Variants in IDE observed in about 807,000 individuals in gnomAD.
IDE encodes the protein insulin degrading enzyme, also known as insulin-degrading enzyme.
Under a neutral mutation model 133.2 loss-of-function variants are expected in IDE, and 58 were observed. The observed-to-expected ratio is 0.44, with a 90% CI of 0.35 to 0.54. The LOEUF is 0.54. IDE is among the 20% of genes least tolerant of loss of function. The pLI is 0.00. For synonymous variants in IDE, 396 were observed against 421.3 expected, an observed-to-expected ratio of 0.94 and a Z score of 0.73; for missense variants, 981 against 1,234.0, an observed-to-expected ratio of 0.79 and a Z score of 3.07.
At chr10:92,471,767 T>G (rs920622760) in intron 17 of IDE, among the ~76,000 whole-genome samples, 5 of 152,220 alleles carry the variant, frequency 3.3e-5, no homozygotes, top group East Asian at 1.9e-4. Context: ...CAGGCTGAAG[T>G]GCAGTGGTGC....
intron 1 of IDE, among the ~76,000 whole-genome samples, chr10:92,570,639 G>C (rs938890286): frequency 6.6e-6 from 1 of 152,062 alleles, no homozygotes; most frequent in African/African-American, 2.4e-5. Context: ...ACATATACTG[G>C]GCCTGGCACA....
At chr10:92,462,893 A>G (rs1053123312) in intron 21 of IDE, among the ~76,000 whole-genome samples, 4 of 152,054 alleles carry the variant, frequency 2.6e-5, no homozygotes, top group Admixed American at 2.0e-4. Flanking sequence ...AGTGAATCCA[A>G]CTGCTAGATA....
intron 1 of IDE, among the ~76,000 whole-genome samples, chr10:92,542,592 G>A (rs1258389682): frequency 6.6e-6 from 1 of 152,226 alleles, no homozygotes; most frequent in Non-Finnish European, 1.5e-5. Context: ...ACCCAGCCCA[G>A]GTCATTATCT....
At chr10:92,556,241 G>T (rs1287540693) in intron 1 of IDE, among the ~76,000 whole-genome samples, 1 of 149,384 alleles carries the variant, frequency 6.7e-6, no homozygotes, top group Non-Finnish European at 1.5e-5. Context: ...CAGAAGACAT[G>T]ATCTTGAATA....
intron 14 of IDE, chr10:92,480,937 G>A: frequency 1.0e-6 from 1 of 961,556 alleles, no homozygotes; most frequent in Non-Finnish European, 1.2e-6. Context: ...AGCAAAAATA[G>A]GGATAAAATG....
At chr10:92,490,649 G>A (rs1847289532) in intron 11 of IDE, 54 bp from the exon 12 acceptor site, 1 of 1,026,576 alleles carries the variant, frequency 9.7e-7, no homozygotes. Context: ...CTGTATATAT[G>A]AATTTAAAGA....
At chr10:92,519,602 AG>A (rs1290141429) in intron 4 of IDE, among the ~76,000 whole-genome samples, 5 of 152,164 alleles carry the variant, frequency 3.3e-5, no homozygotes, top group Non-Finnish European at 7.3e-5. Context: ...AATATCTCCA[AG>A]GGGTCATTTA....
chr10:92,532,943 C>T (rs1281256905), intron 3 of IDE, among the ~76,000 whole-genome samples: 1 of 152,130 alleles, frequency 6.6e-6, no homozygotes, highest in African/African-American at 2.4e-5. Flanking sequence ...TGATACTATG[C>T]TAAGTACTTT....
At chr10:92,475,556 T>A (rs1360719819) in intron 16 of IDE, among the ~76,000 whole-genome samples, 2 of 152,144 alleles carry the variant, frequency 1.3e-5, no homozygotes, top group Non-Finnish European at 2.9e-5. Context: ...GAATTGCGTG[T>A]TCTTCTGAAC....
At chr10:92,512,822 T>C (rs982875083) in intron 5 of IDE, among the ~76,000 whole-genome samples, 1 of 152,174 alleles carries the variant, frequency 6.6e-6, no homozygotes, top group Non-Finnish European at 1.5e-5. Context: ...TAAATTATGG[T>C]AACAAAAGTT....
chr10:92,462,842 C>G (rs932784070), intron 21 of IDE, among the ~76,000 whole-genome samples: 2 of 152,158 alleles, frequency 1.3e-5, no homozygotes, highest in African/African-American at 4.8e-5. Context: ...GCTAGGTACA[C>G]GGCAAATGCT....
Position 92,534,594 on chromosome 10 carries a change from C to T in IDE, c.475G>A (p.Glu159Lys). ...CTGCATTACCTGTCTAGGGCACCTT[C>T]TAGGTGTTCATGAGAAACATCAAAA... ...YYFDVSHEHLEGALDRFAQFF... is the reference protein window; with the variant it reads ...YYFDVSHEHLKGALDRFAQFF... The change falls in exon 3 of 25, where the codon GAA becomes AAA. Residue 159 changes from glutamate (E) to lysine (K), a missense_variant. Glu to Lys is a moderately conservative substitution (Grantham distance 56). Coordinates refer to ENST00000265986, the MANE Select transcript of IDE (RefSeq NM_004969.4). 1 of 1,612,560 alleles carries T rather than the reference C, an allele frequency of 6.2e-7. No homozygotes were observed. The highest frequency in any genetic ancestry group is 8.5e-7 in the Non-Finnish European group (1 of 1,178,730).
At chr10:92,555,161 A>G (rs1430666673) in intron 1 of IDE, among the ~76,000 whole-genome samples, 3 of 152,164 alleles carry the variant, frequency 2.0e-5, no homozygotes, top group East Asian at 3.8e-4. Flanking sequence ...CTATTCATCA[A>G]TGATAATTTT....
intron 1 of IDE, among the ~76,000 whole-genome samples, chr10:92,566,407 T>A (rs1278322668): frequency 1.6e-4 from 22 of 141,836 alleles, no homozygotes; most frequent in Admixed American, 4.2e-4. Context: ...TCTCTCTCTC[T>A]CTCTCTCACA....
intron 15 of IDE, chr10:92,478,568 G>T: frequency 1.2e-6 from 1 of 832,696 alleles, no homozygotes; most frequent in Non-Finnish European, 1.5e-6. Context: ...TTAAAAATGC[G>T]AAGTTAATAG....
chr10:92,548,775 A>T (rs921641379), intron 1 of IDE, among the ~76,000 whole-genome samples: 1 of 152,204 alleles, frequency 6.6e-6, no homozygotes, highest in Non-Finnish European at 1.5e-5. Flanking sequence ...TTATCCCTTT[A>T]TAATTGCTAT....
intron 1 of IDE, among the ~76,000 whole-genome samples, chr10:92,549,341 A>C (rs1179672176): frequency 6.6e-6 from 1 of 152,182 alleles, no homozygotes; most frequent in African/African-American, 2.4e-5. Flanking sequence ...TATTACCCCC[A>C]AAATAATGGA....
At chr10:92,479,198 C>A in intron 15 of IDE, 79 bp downstream of exon 15, 2 of 976,364 alleles carry the variant, frequency 2.0e-6, no homozygotes, top group African/African-American at 1.6e-5. Context: ...TAAACTCACA[C>A]CCTCAATCAA....
At chr10:92,513,608 T>C (rs1200583954) in intron 5 of IDE, among the ~76,000 whole-genome samples, 1 of 150,824 alleles carries the variant, frequency 6.6e-6, no homozygotes, top group Non-Finnish European at 1.5e-5. Context: ...TTCTCTTTAA[T>C]ATATTAAGAA....
Sources: gnomAD v4.1 joint callset for allele counts (sites outside exome capture counted in the v4.1 genomes callset) on GRCh38, gnomAD v4.1.1 for gene constraint, MANE v1.5 for transcripts, NCBI Gene and HGNC (gene_info 2026-07-23, HGNC 2026-07-21) for gene names.